The following GPLD1 variants were observed in gnomAD, a reference collection of about 807,000 sequenced individuals.
GPLD1 encodes the protein phosphatidylinositol-glycan-specific phospholipase D.
GPLD1 carries 84 observed loss-of-function variants against 112.6 expected under a neutral mutation model. That is an observed-to-expected ratio of 0.75 (90% CI 0.63 to 0.89). The LOEUF is 0.89. GPLD1 is among the 40% of genes least tolerant of loss of function. The pLI is 0.00. For missense variants in GPLD1, 1,044 were observed against 1,051.5 expected (o/e 0.99, Z 0.10); for synonymous variants, 386 against 403.8 (o/e 0.96, Z 0.53).
chr6:24,435,049 T>C (rs541788481), intron 22 of GPLD1, among the ~76,000 whole-genome samples: 1 of 150,210 alleles, frequency 6.7e-6, no homozygotes, highest in South Asian at 2.1e-4. Flanking sequence ...AGTCTTGCTG[T>C]TGCCCAGGTT....
At chr6:24,449,536 AG>A (rs931288589) in intron 15 of GPLD1, among the ~76,000 whole-genome samples, 2 of 152,166 alleles carry the variant, frequency 1.3e-5, no homozygotes, top group African/African-American at 4.8e-5. Flanking sequence ...GATGAAAAAA[AG>A]GGCTAAGTAC....
At chr6:24,437,329 A>C (rs1350190321) in intron 20 of GPLD1, 40 bp from the exon 21 acceptor site, 1 of 1,585,758 alleles carries the variant, frequency 6.3e-7, no homozygotes, top group Non-Finnish European at 8.6e-7. Flanking sequence ...CACAGAAAGG[A>C]AGGCATTACA....
At chr6:24,458,922 A>G (rs1360620703) in intron 12 of GPLD1, among the ~76,000 whole-genome samples, 2 of 152,108 alleles carry the variant, frequency 1.3e-5, no homozygotes, top group Non-Finnish European at 2.9e-5. Flanking sequence ...TGACAGCAGT[A>G]TATTAAACCT....
At chr6:24,489,780 G>T (rs1247367303), upstream of GPLD1, among the ~76,000 whole-genome samples, 1 of 152,216 alleles carries the variant, frequency 6.6e-6, no homozygotes, top group African/African-American at 2.4e-5. Context: ...CCTTAGGCCA[G>T]AAGCACTGCA....
intron 1 of GPLD1, among the ~76,000 whole-genome samples, chr6:24,487,975 G>A (rs1031897224): frequency 2.0e-5 from 3 of 152,118 alleles, no homozygotes; most frequent in Admixed American, 1.3e-4. Context: ...TGTGATAACA[G>A]GTTCTTGCCC....
At chr6:24,451,816 C>T (rs923397475) in intron 14 of GPLD1, among the ~76,000 whole-genome samples, 8 of 152,192 alleles carry the variant, frequency 5.3e-5, no homozygotes, top group Non-Finnish European at 7.3e-5. Context: ...ACTTGATAAA[C>T]AAGATAAGGT....
chr6:24,493,676 A>G (rs1403287908), upstream of GPLD1, among the ~76,000 whole-genome samples: 1 of 152,190 alleles, frequency 6.6e-6, no homozygotes, highest in African/African-American at 2.4e-5. Flanking sequence ...AATAGTGTGA[A>G]ATTGATTAAA....
Position 24,460,411 on chromosome 6 carries a change from A to T in GPLD1, c.888-12T>A. 5 of 1,612,984 alleles carry T rather than the reference A, an allele frequency of 3.1e-6. No individual in the cohort carries two copies. The highest frequency in any genetic ancestry group is 4.2e-6 in the Non-Finnish European group (5 of 1,179,618). ...TCTGCATTTTTGAGCTGTTGAAGAGAAAGAGGAATAAACTGGTTACGACTG... is the reference window on the plus strand; with the variant it reads ...TCTGCATTTTTGAGCTGTTGAAGAGTAAGAGGAATAAACTGGTTACGACTG... On this transcript the variant is annotated splice_polypyrimidine_tract_variant and intron_variant, in intron 11 of 24. Transcript: ENST00000230036.
At chr6:24,483,127 A>G (rs186235122) in intron 2 of GPLD1, among the ~76,000 whole-genome samples, 1 of 152,040 alleles carries the variant, frequency 6.6e-6, no homozygotes, top group Non-Finnish European at 1.5e-5. Flanking sequence ...CAGGAGTTTA[A>G]GATCAGCCTA....
intron 2 of GPLD1, among the ~76,000 whole-genome samples, chr6:24,485,702 T>G (rs1398137326): frequency 1.3e-5 from 2 of 150,040 alleles, no homozygotes; most frequent in Non-Finnish European, 3.0e-5. Flanking sequence ...GGAGTTTCAC[T>G]CTTGTTGCCC....
intron 24 of GPLD1, among the ~76,000 whole-genome samples, chr6:24,429,998 A>T (rs1367918074): frequency 1.3e-5 from 2 of 151,936 alleles, no homozygotes. Context: ...AGGATATGAC[A>T]GTTTCTTATT....
chr6:24,465,721 G>A (rs1486673510), intron 10 of GPLD1, among the ~76,000 whole-genome samples: 1 of 151,334 alleles, frequency 6.6e-6, no homozygotes, highest in Non-Finnish European at 1.5e-5. Context: ...TTTCGGCTGA[G>A]TTTCTGATTA....
intron 6 of GPLD1, 42 bp from the exon 7 acceptor site, chr6:24,472,678 C>T (rs752540674): frequency 4.8e-6 from 5 of 1,037,848 alleles, no homozygotes; most frequent in Non-Finnish European, 7.6e-6. Flanking sequence ...GGATTAGTGA[C>T]AAACATAGCA....
intron 24 of GPLD1, among the ~76,000 whole-genome samples, chr6:24,432,268 A>AAT (rs1554128516): frequency 6.8e-6 from 1 of 147,514 alleles, no homozygotes; most frequent in Non-Finnish European, 1.5e-5. Context: ...AAAAAAAAAA[A>AAT]GGTGTGTGTG....
At chr6:24,430,955 A>G (rs541796343) in intron 24 of GPLD1, among the ~76,000 whole-genome samples, 31 of 152,282 alleles carry the variant, frequency 2.0e-4, no homozygotes, top group African/African-American at 6.5e-4. Context: ...CACTACTCTC[A>G]ACTGATGTAA....
Position 24,466,777 on chromosome 6 carries a change from G to T in GPLD1, c.724C>A (p.Gln242Lys), listed in dbSNP as rs758791573. ...CCTCCAAGAAAATACTCTTGGAATT[G>T]TTCCACCAAAAACGGGGACTTTGTA... ...YSTKSPFLVE[Q>K]FQEYFLGGLD... is the part of the protein sequence containing the mutation. The change falls in exon 10 of 25, where the codon CAA becomes AAA. Residue 242 changes from glutamine (Q) to lysine (K), a missense_variant. By Grantham distance (53) the Gln-to-Lys change is moderately conservative. Coordinates refer to ENST00000230036, the MANE Select transcript of GPLD1 (RefSeq NM_001503.4). 6.2e-7 allele frequency: 1 copy of T among 1,611,546 alleles called. No homozygotes were observed. Among genetic ancestry groups the T allele is most frequent in the Non-Finnish European group, 8.5e-7 (1 of 1,177,700 alleles).
intron 12 of GPLD1, among the ~76,000 whole-genome samples, chr6:24,458,181 A>T (rs1171854808): frequency 6.6e-6 from 1 of 151,908 alleles, no homozygotes; most frequent in East Asian, 1.9e-4. Flanking sequence ...GGTCTGCTCC[A>T]AAGCAGAGCA....
rs763407227 is a variant in GPLD1 at position 24,436,699 on chromosome 6, A to G, written c.2235T>C (p.Asp745=). 56 of 1,613,994 alleles carry G rather than the reference A, an allele frequency of 3.5e-5. No homozygotes were observed. The African/African-American group carries it at 7.1e-4, about 20-fold the overall frequency. Residue 745 remains aspartate (D), a synonymous_variant, in exon 22 of 25, where the codon GAT becomes GAC. Coordinates refer to ENST00000230036, the MANE Select transcript of GPLD1 (RefSeq NM_001503.4). ...CTCCCCCAATCAGTCCAGAGGTTACATCTGCTATCCTCAGGGGGGCTGCCA... is the reference window on the plus strand; with the variant it reads ...CTCCCCCAATCAGTCCAGAGGTTACGTCTGCTATCCTCAGGGGGGCTGCCA... ...IIMAAPLRIA[D]VTSGLIGGED...
At position 24,435,161 on chromosome 6, in the gene GPLD1, G is replaced by A. The variant is rs532397221; in HGVS notation, c.2358+1415C>T. ...CGAGTAGCTGGGACTACAGGCGCCC[G>A]CCACCAAGCCCGGCTAATTTTTTGT... On this transcript the variant is annotated intron_variant, in intron 22 of 24. Transcript: ENST00000230036. Among the ~76,000 whole-genome samples the A allele has an allele frequency of 7.8e-4, 118 of 151,586 alleles. No homozygotes were observed. In the Middle Eastern group the frequency reaches 0.01, roughly 13 times the overall value.
Sources: allele counts gnomAD v4.1 joint callset (sites outside exome capture counted in the v4.1 genomes callset), GRCh38; gene constraint gnomAD v4.1.1; transcripts MANE v1.5; gene names NCBI Gene and HGNC (gene_info 2026-07-23, HGNC 2026-07-21).